Variants in ZNF506 observed in about 807,000 individuals in gnomAD.
ZNF506 encodes zinc finger protein 506.
ZNF506 carries 10 observed loss-of-function variants against 11.6 expected under a neutral mutation model. That is an observed-to-expected ratio of 0.86 (90% CI 0.53 to 1.46). The LOEUF is 1.46. Ranked by LOEUF, ZNF506 falls within the 40% of genes most tolerant of loss-of-function variation. The pLI is 0.00. For synonymous variants in ZNF506, 156 were observed against 173.3 expected, an observed-to-expected ratio of 0.90 and a Z score of 0.78; for missense variants, 425 against 521.2, an observed-to-expected ratio of 0.82 and a Z score of 1.80.
At chr19:19,808,386 G>C (rs1177462414) in intron 1 of ZNF506, among the ~76,000 whole-genome samples, 1 of 150,472 alleles carries the variant, frequency 6.6e-6, no homozygotes, top group African/African-American at 2.4e-5. Context: ...GCCTCCCAAA[G>C]TGCTGGGATT....
rs375037626 is a variant in ZNF506, at chr19:19,819,915, G to A, written c.3+1686C>T. 3.2e-4 allele frequency among the ~76,000 whole-genome samples: 49 copies of A among 152,208 alleles called. 2 individuals are homozygous for A. In the East Asian group the frequency reaches 5.6e-3, roughly 17 times the overall value. ...AGATAGAGACCACCCTGGCAAACAA[G>A]GTGAAACCCTGTCTCTACTAAAAAT... On this transcript the variant is annotated intron_variant, in intron 1 of 3. Coordinates refer to ENST00000540806, the MANE Select transcript of ZNF506 (RefSeq NM_001099269.3).
At chr19:19,801,182 GAAAAC>G (rs978274587) in intron 3 of ZNF506, among the ~76,000 whole-genome samples, 15 of 151,598 alleles carry the variant, frequency 9.9e-5, no homozygotes, top group African/African-American at 3.1e-4. Flanking sequence ...AAAAAGAAAA[GAAAAC>G]AAAACAAAAC....
chr19:19,809,668 A>G (rs2062868921), intron 1 of ZNF506, among the ~76,000 whole-genome samples: 1 of 152,296 alleles, frequency 6.6e-6, no homozygotes, highest in Admixed American at 6.5e-5. Flanking sequence ...GAGCTGCTCC[A>G]TGAAAATAAG....
rs1329486494 is a variant in ZNF506, at chr19:19,794,585, TAA to T, written c.1300_1301del (p.Leu434LysfsTer30). The part of the protein sequence containing the change: ...PCIVKNVENL[L>X]NVPQPLISIR ...TGCTTATTAAGGGTTGAGGAACATTTAAAAGATTTTCCACATTCTTCACTATG... is the reference window on the plus strand; with the variant it reads ...TGCTTATTAAGGGTTGAGGAACATTTAAGATTTTCCACATTCTTCACTATG... On this transcript the variant is annotated frameshift_variant, in exon 4 of 4. Transcript: ENST00000540806. LOFTEE classifies it low-confidence loss of function (END_TRUNC). The T allele has an allele frequency of 3.1e-6, 5 of 1,603,378 alleles. No homozygotes were observed. The highest frequency in any genetic ancestry group is 1.3e-5 in the African/African-American group (1 of 74,278).
chr19:19,799,630 T>C (rs1414824308), intron 3 of ZNF506, among the ~76,000 whole-genome samples: 2 of 152,152 alleles, frequency 1.3e-5, no homozygotes, highest in Admixed American at 1.3e-4. Flanking sequence ...TAAACTTGGC[T>C]GGGTGCGGTG....
At chr19:19,809,717 CCA>C (rs1215557956) in intron 1 of ZNF506, among the ~76,000 whole-genome samples, 1 of 148,328 alleles carries the variant, frequency 6.7e-6, no homozygotes, top group Non-Finnish European at 1.5e-5. Context: ...CCCTCCCCTG[CCA>C]CAGACACCAG....
chr19:19,819,729 C>G (rs934876119), intron 1 of ZNF506, among the ~76,000 whole-genome samples: 2 of 152,172 alleles, frequency 1.3e-5, no homozygotes, highest in African/African-American at 4.8e-5. Context: ...GGGGATTATT[C>G]TTTGCTTTCT....
chr19:19,802,978 T>G lies in ZNF506; in HGVS notation c.226+3053A>C, dbSNP rs976251664. Among the ~76,000 whole-genome samples, 4 of 152,322 alleles carry G rather than the reference T, an allele frequency of 2.6e-5. No homozygotes were observed. The East Asian group carries it at 5.8e-4, about 22-fold the overall frequency. On this transcript the variant is annotated intron_variant, in intron 3 of 3. Transcript: ENST00000540806. ...TCAGGCCAGGATTTTGAGACCAGTCTGCGTTATGTAGCAAGACCCCATCTC... is the reference window on the plus strand; with the variant it reads ...TCAGGCCAGGATTTTGAGACCAGTCGGCGTTATGTAGCAAGACCCCATCTC...
chr19:19,812,420 A>G (rs2062890298), intron 1 of ZNF506, among the ~76,000 whole-genome samples: 1 of 152,262 alleles, frequency 6.6e-6, no homozygotes, highest in South Asian at 2.1e-4. Flanking sequence ...CTCTTGGGTA[A>G]GAGAAAGAAC....
chr19:19,808,293 T>C (rs2062852961), intron 1 of ZNF506, among the ~76,000 whole-genome samples: 1 of 150,494 alleles, frequency 6.6e-6, no homozygotes, highest in African/African-American at 2.4e-5. Flanking sequence ...CCGGCTAATT[T>C]TTTATATTTT....
intron 1 of ZNF506, among the ~76,000 whole-genome samples, chr19:19,809,111 A>G (rs1241908765): frequency 1.3e-5 from 2 of 152,158 alleles, no homozygotes; most frequent in Admixed American, 1.3e-4. Flanking sequence ...TTTACTAAGG[A>G]CCAGAGTTTT....
At chr19:19,799,181 T>C (rs1274039012) in intron 3 of ZNF506, 1 of 313,962 alleles carries the variant, frequency 3.2e-6, no homozygotes, top group Non-Finnish European at 5.7e-6. Context: ...ATGTGTGTAT[T>C]TGTGCGTGTG....
chr19:19,819,143 C>T (rs1437757698), intron 1 of ZNF506, among the ~76,000 whole-genome samples: 4 of 152,118 alleles, frequency 2.6e-5, no homozygotes, highest in East Asian at 3.8e-4. Flanking sequence ...GAGTGCCCCA[C>T]GTGCATTTTA....
chr19:19,804,986 G>C (rs892479015), intron 3 of ZNF506, among the ~76,000 whole-genome samples: 83 of 152,142 alleles, frequency 5.5e-4, no homozygotes, highest in African/African-American at 1.9e-3. Context: ...TAATGTAAAT[G>C]ACGAGTTAAT....
At chr19:19,817,680 G>A (rs762379063) in intron 1 of ZNF506, among the ~76,000 whole-genome samples, 107 of 152,000 alleles carry the variant, frequency 7.0e-4, no homozygotes, top group Non-Finnish European at 1.2e-3. Flanking sequence ...ACTTCCTCTC[G>A]CATGCTTAAC....
Position 19,795,657 on chromosome 19 carries a change from A to G in ZNF506, c.230T>C (p.Met77Thr), listed in dbSNP as rs200846879. ...RHEMIAKPPV[M>T]YSHFAQDLWS... ...AAGGTCTTGGGCAAAATGAGAATACATAACTGAAAGAAACAATAAAAACAC... is the reference window on the plus strand; with the variant it reads ...AAGGTCTTGGGCAAAATGAGAATACGTAACTGAAAGAAACAATAAAAACAC... Residue 77 changes from methionine (M) to threonine (T), a missense_variant, in exon 4 of 4, where the codon ATG becomes ACG. Met to Thr is a moderately conservative substitution (Grantham distance 81). Coordinates refer to ENST00000540806, the MANE Select transcript of ZNF506 (RefSeq NM_001099269.3). 7.8e-5 allele frequency: 116 copies of G among 1,494,444 alleles called. No individual in the cohort carries two copies. Among genetic ancestry groups the G allele is most frequent in the Non-Finnish European group, 9.2e-5 (104 of 1,125,202 alleles). 92.6% of individuals were successfully genotyped at this position (1,494,444 alleles called of 1,614,324 possible). A position where few individuals can be genotyped will look rare whatever the true frequency, so the allele number is the denominator to read the frequency against.
chr19:19,796,026 G>C (rs79509326), intron 3 of ZNF506: 1 of 259,872 alleles, frequency 3.8e-6, no homozygotes, highest in African/African-American at 2.3e-5. Flanking sequence ...GCTCACACCC[G>C]TGACCCCAGC....
intron 1 of ZNF506, among the ~76,000 whole-genome samples, chr19:19,808,831 G>A (rs924719401): frequency 7.5e-5 from 9 of 119,960 alleles, no homozygotes; most frequent in East Asian, 2.7e-4. Flanking sequence ...GTGACACAGC[G>A]AGACTCTGTC....
At chr19:19,816,965 T>C (rs146337906) in intron 1 of ZNF506, among the ~76,000 whole-genome samples, 5,945 of 151,354 alleles carry the variant, frequency 0.039, 158 homozygotes, top group Middle Eastern at 0.12. Context: ...GCCTGCCTAA[T>C]TTTTTTTGTA....
Sources: gnomAD v4.1 joint callset for allele counts (sites outside exome capture counted in the v4.1 genomes callset) on GRCh38, gnomAD v4.1.1 for gene constraint, MANE v1.5 for transcripts, NCBI Gene and HGNC (gene_info 2026-07-23, HGNC 2026-07-21) for gene names.